CDKAL1: variants seen among roughly 807,000 people sequenced by gnomAD.
CDKAL1 encodes CDKAL1 threonylcarbamoyladenosine tRNA methylthiotransferase.
Under a neutral mutation model 68.2 loss-of-function variants are expected in CDKAL1, and 32 were observed. That is an observed-to-expected ratio of 0.47 (90% confidence interval 0.35 to 0.63). CDKAL1 has a LOEUF of 0.63. Among genes scored for constraint, CDKAL1 ranks in the 30% least tolerant of loss-of-function variants. The pLI is 0.00. For missense variants in CDKAL1, 606 were observed against 696.7 expected (o/e 0.87, Z 1.47); for synonymous variants, 234 against 244.3 (o/e 0.96, Z 0.39).
At chr6:21,153,946 TC>T (rs1164706346) in intron 13 of CDKAL1, among the ~76,000 whole-genome samples, 3 of 152,072 alleles carry the variant, frequency 2.0e-5, no homozygotes, top group African/African-American at 7.2e-5. Flanking sequence ...TCTAACTAGA[TC>T]CAAAGGGGCG....
At chr6:20,671,200 A>G (rs142697923) in intron 5 of CDKAL1, among the ~76,000 whole-genome samples, 1,919 of 152,260 alleles carry the variant, frequency 0.013, 38 homozygotes, top group African/African-American at 0.043. Flanking sequence ...GTCATTCTTT[A>G]TAATTTTCAC....
At chr6:20,649,450 A>G in intron 5 of CDKAL1, 73 bp downstream of exon 5, 1 of 824,374 alleles carries the variant, frequency 1.2e-6, no homozygotes, top group South Asian at 1.6e-5. Context: ...TAGCTTTTTA[A>G]AAATGTCAAT....
chr6:20,962,306 T>G (rs1765097330), intron 10 of CDKAL1, among the ~76,000 whole-genome samples: 1 of 152,226 alleles, frequency 6.6e-6, no homozygotes, highest in African/African-American at 2.4e-5. Context: ...TTACAAATAG[T>G]GATATTTTAA....
chr6:20,630,355 C>A (rs990731937), intron 4 of CDKAL1, among the ~76,000 whole-genome samples: 22 of 152,128 alleles, frequency 1.4e-4, no homozygotes, highest in African/African-American at 4.8e-4. Context: ...TAAGGCTGCT[C>A]TCTGCCTTCC....
rs911263879 is a variant in CDKAL1 at position 21,053,508 on chromosome 6, G to A, written c.1056-11540G>A. Reference sequence around the variant, plus strand: ...CCTAGAGTAGAATTGCTGGGTCACAGTAAGTGTATGTTTAACTATTTAAGA... The same window carrying A: ...CCTAGAGTAGAATTGCTGGGTCACAATAAGTGTATGTTTAACTATTTAAGA... On this transcript the variant is annotated intron_variant, in intron 11 of 15. Coordinates refer to ENST00000274695, the MANE Select transcript of CDKAL1 (RefSeq NM_017774.3). 7.6e-4 allele frequency among the ~76,000 whole-genome samples: 116 copies of A among 152,300 alleles called. 1 individual carries two copies. The highest frequency in any genetic ancestry group is 2.7e-3 in the African/African-American group (111 of 41,564).
chr6:20,729,146 A>G (rs1661383114), intron 5 of CDKAL1, among the ~76,000 whole-genome samples: 1 of 152,150 alleles, frequency 6.6e-6, no homozygotes. Flanking sequence ...TATCCAAGAG[A>G]AACTCCCCTA....
chr6:21,175,006 A>G (rs899122068), intron 13 of CDKAL1, among the ~76,000 whole-genome samples: 2 of 152,188 alleles, frequency 1.3e-5, no homozygotes, highest in Admixed American at 6.5e-5. Context: ...CCTGAGAGCA[A>G]TGGGGAACCA....
chr6:20,748,018 A>G (rs1289327249), intron 6 of CDKAL1, among the ~76,000 whole-genome samples: 1 of 152,232 alleles, frequency 6.6e-6, no homozygotes, highest in Non-Finnish European at 1.5e-5. Flanking sequence ...GCTGATTTTT[A>G]TGTATGGTGT....
chr6:21,032,763 A>T (rs556887979), intron 11 of CDKAL1, among the ~76,000 whole-genome samples: 9 of 152,314 alleles, frequency 5.9e-5, no homozygotes, highest in African/African-American at 2.2e-4. Context: ...CATATAGCCT[A>T]GGCGTGTGGT....
intron 13 of CDKAL1, among the ~76,000 whole-genome samples, chr6:21,145,416 T>C (rs146971163): frequency 8.5e-5 from 13 of 152,296 alleles, no homozygotes; most frequent in Non-Finnish European, 1.3e-4. Context: ...TGAAACTGGT[T>C]AGCAACATCC....
At chr6:20,760,808 G>T (rs1281747093) in intron 7 of CDKAL1, among the ~76,000 whole-genome samples, 1 of 152,154 alleles carries the variant, frequency 6.6e-6, no homozygotes, top group African/African-American at 2.4e-5. Context: ...AATTAATGAT[G>T]ATGAAGAATA....
At position 21,230,868 on chromosome 6, in the gene CDKAL1, G is replaced by A. The variant is rs1457735550; in HGVS notation, c.1569G>A (p.Gly523=). The A allele has an allele frequency of 1.2e-6, 2 of 1,607,876 alleles. No homozygotes were observed. The highest frequency in any genetic ancestry group is 1.7e-6 in the Non-Finnish European group (2 of 1,176,240). ...GLTKDFRNGL[G]NQLSSGSHTS... The stretch of plus-strand genomic sequence containing the variant: ...TATAGGACTTCAGAAATGGGCTTGG[G>A]AACCAGCTGAGTTCAGGATCCCACA... The change falls in exon 16 of 16, where the codon GGG becomes GGA. Residue 523 remains glycine, a synonymous_variant. Coordinates refer to ENST00000274695, the MANE Select transcript of CDKAL1 (RefSeq NM_017774.3).
intron 11 of CDKAL1, among the ~76,000 whole-genome samples, chr6:21,063,035 C>T (rs1203401893): frequency 1.3e-5 from 2 of 152,184 alleles, no homozygotes; most frequent in East Asian, 3.9e-4. Context: ...CTGCCTCAGC[C>T]ACCCGAAGAG....
At chr6:20,790,277 C>T (rs1286284512) in intron 8 of CDKAL1, among the ~76,000 whole-genome samples, 3 of 151,912 alleles carry the variant, frequency 2.0e-5, no homozygotes, top group East Asian at 1.9e-4. Flanking sequence ...AGAGTGCTTC[C>T]ATGGAAAGTA....
chr6:20,705,764 G>A lies in CDKAL1; in HGVS notation c.372-33755G>A, dbSNP rs371197524. Among the ~76,000 whole-genome samples, 9 of 152,218 alleles carry A rather than the reference G, an allele frequency of 5.9e-5. 1 individual carries two copies. Among genetic ancestry groups the A allele is most frequent in the African/African-American group, 1.9e-4 (8 of 41,540 alleles). On this transcript the variant is annotated intron_variant, in intron 5 of 15. Transcript: ENST00000274695. The stretch of plus-strand genomic sequence containing the variant: ...TAGAGGAGTCTAGTACTAGTTTTTA[G>A]CAGATCTAACTTTATAGAAAAGCTT...
At chr6:21,095,684 G>A (rs1430896701) in intron 12 of CDKAL1, among the ~76,000 whole-genome samples, 1 of 150,506 alleles carries the variant, frequency 6.6e-6, no homozygotes, top group Non-Finnish European at 1.5e-5. Context: ...GGCTATCTCT[G>A]TGTAGTATCC....
chr6:20,708,105 G>A (rs1346612523), intron 5 of CDKAL1, among the ~76,000 whole-genome samples: 1 of 152,034 alleles, frequency 6.6e-6, no homozygotes, highest in Non-Finnish European at 1.5e-5. Flanking sequence ...GACTTATCTT[G>A]GTAACTTATT....
At chr6:21,185,254 AT>A (rs2151090612) in intron 13 of CDKAL1, among the ~76,000 whole-genome samples, 1 of 151,954 alleles carries the variant, frequency 6.6e-6, no homozygotes, top group South Asian at 2.1e-4. Context: ...CTCATACTAA[AT>A]TTCTTTTGAA....
At chr6:20,917,922 T>C (rs929850355) in intron 9 of CDKAL1, among the ~76,000 whole-genome samples, 3 of 152,274 alleles carry the variant, frequency 2.0e-5, no homozygotes, top group Middle Eastern at 3.4e-3. Context: ...TTAGAGACCC[T>C]ATGAAAGGGG....
Sources: allele counts gnomAD v4.1 joint callset (sites outside exome capture counted in the v4.1 genomes callset), GRCh38; gene constraint gnomAD v4.1.1; transcripts MANE v1.5; gene names NCBI Gene and HGNC (gene_info 2026-07-23, HGNC 2026-07-21).